RALY: variants seen among roughly 807,000 people sequenced by gnomAD.
RALY encodes RALY heterogeneous nuclear ribonucleoprotein, also known as RNA-binding protein Raly.
A neutral mutation model predicts 30.7 loss-of-function variants in RALY; 15 were observed. The observed-to-expected ratio is 0.49, with a 90% CI of 0.33 to 0.75. The LOEUF (loss-of-function observed/expected upper bound fraction) is 0.75, where lower values mean the gene tolerates loss of function less well. RALY is among the 30% of genes least tolerant of loss of function. The pLI, the probability that RALY is intolerant of heterozygous loss-of-function variation, is 0.02. For synonymous variants in RALY, 177 were observed against 170.8 expected (o/e 1.04, Z -0.28); for missense variants, 339 against 414.3 (o/e 0.82, Z 1.58).
At chr20:34,037,122 A>G (rs1482963178) in intron 2 of RALY, among the ~76,000 whole-genome samples, 1 of 152,200 alleles carries the variant, frequency 6.6e-6, no homozygotes, top group Non-Finnish European at 1.5e-5. Context: ...CTGATACAGT[A>G]GCCTCTGGAG....
chr20:34,078,839 A>T (rs1413755663), intron 9 of RALY, among the ~76,000 whole-genome samples: 2 of 152,142 alleles, frequency 1.3e-5, no homozygotes, highest in East Asian at 3.8e-4. Context: ...TCTGCCCTTG[A>T]GGAGCTCCTA....
At chr20:34,045,598 C>T (rs960651654) in intron 2 of RALY, among the ~76,000 whole-genome samples, 1 of 152,208 alleles carries the variant, frequency 6.6e-6, no homozygotes, top group South Asian at 2.1e-4. Context: ...GGATTGGGAA[C>T]GTTCTGGTTC....
chr20:34,020,213 G>A (rs1180486813), intron 1 of RALY, among the ~76,000 whole-genome samples: 1 of 152,234 alleles, frequency 6.6e-6, no homozygotes, highest in Non-Finnish European at 1.5e-5. Context: ...AGGATGTGCT[G>A]GACAGATTAC....
At chr20:33,998,714 C>T (rs1008186090) in intron 1 of RALY, among the ~76,000 whole-genome samples, 40 of 152,138 alleles carry the variant, frequency 2.6e-4, no homozygotes, top group Non-Finnish European at 2.5e-4. Flanking sequence ...GCTGCCTGTT[C>T]AGGAGCGGAC....
At chr20:33,997,896 ACT>A (rs2030717005) in intron 1 of RALY, among the ~76,000 whole-genome samples, 1 of 151,990 alleles carries the variant, frequency 6.6e-6, no homozygotes, top group Admixed American at 6.6e-5. Context: ...GTCATGTCAC[ACT>A]CTCCTTAAAA....
intron 5 of RALY, among the ~76,000 whole-genome samples, chr20:34,074,932 T>G (rs2122307405): frequency 6.6e-6 from 1 of 152,292 alleles, no homozygotes; most frequent in East Asian, 1.9e-4. Flanking sequence ...GATGGCAGGT[T>G]TCCTGGCCGT....
intron 1 of RALY, among the ~76,000 whole-genome samples, chr20:34,011,999 G>A (rs2031416421): frequency 6.6e-6 from 1 of 151,954 alleles, no homozygotes; most frequent in Non-Finnish European, 1.5e-5. Context: ...CCAGGAGGCG[G>A]AGGCTGCAGT....
intron 2 of RALY, among the ~76,000 whole-genome samples, chr20:34,055,521 A>G (rs570811387): frequency 9.5e-4 from 144 of 152,258 alleles, no homozygotes; most frequent in African/African-American, 3.1e-3. Context: ...CTAAGCACCC[A>G]CTCTGGGCTA....
intron 2 of RALY, among the ~76,000 whole-genome samples, chr20:34,059,224 C>T (rs1350203449): frequency 6.6e-6 from 1 of 152,140 alleles, no homozygotes; most frequent in Non-Finnish European, 1.5e-5. Flanking sequence ...AGGGGTGCCA[C>T]TCAGTGTGTT....
At chr20:34,076,531 AG>A (rs2033882404) in intron 6 of RALY, among the ~76,000 whole-genome samples, 170 bp from the exon 7 acceptor site, 1 of 152,244 alleles carries the variant, frequency 6.6e-6, no homozygotes, top group Non-Finnish European at 1.5e-5. Context: ...CTGTCACTGT[AG>A]GGATGGACGC....
intron 4 of RALY, 70 bp from the exon 5 acceptor site, chr20:34,073,749 A>T: frequency 1.3e-6 from 2 of 1,566,618 alleles, no homozygotes; most frequent in South Asian, 1.1e-5. Flanking sequence ...GTGTCTGGAG[A>T]TGAGGGCCTG....
At chr20:33,995,992 AT>A (rs748597398) in intron 1 of RALY, among the ~76,000 whole-genome samples, 8 of 152,216 alleles carry the variant, frequency 5.3e-5, no homozygotes, top group South Asian at 2.1e-4. Context: ...TATGGTTAGT[AT>A]TAAGAGGAGG....
intron 1 of RALY, among the ~76,000 whole-genome samples, chr20:34,010,145 G>T (rs2031338092): frequency 6.6e-6 from 1 of 152,068 alleles, no homozygotes; most frequent in Admixed American, 6.6e-5. Flanking sequence ...TTATATATTT[G>T]TAAGGTAGAG....
At chr20:34,066,769 G>T (rs1468383823) in intron 2 of RALY, among the ~76,000 whole-genome samples, 1 of 151,614 alleles carries the variant, frequency 6.6e-6, no homozygotes, top group African/African-American at 2.4e-5. Context: ...CACTCCCAAA[G>T]CCCCACTTCC....
chr20:34,031,001 G>GCTTCC (rs2032246499), intron 1 of RALY, among the ~76,000 whole-genome samples: 1 of 150,972 alleles, frequency 6.6e-6, no homozygotes, highest in East Asian at 2.0e-4. Context: ...ACCTTGCTTT[G>GCTTCC]CTTCCCTTCC....
At chr20:34,077,385 G>A in intron 8 of RALY, 140 bp downstream of exon 8, 1 of 1,520,098 alleles carries the variant, frequency 6.6e-7, no homozygotes, top group Non-Finnish European at 8.8e-7. Flanking sequence ...CTGGTCCTGG[G>A]GGAAAGAGGG....
chr20:34,053,271 C>T (rs558910795), intron 2 of RALY, among the ~76,000 whole-genome samples: 64 of 150,176 alleles, frequency 4.3e-4, no homozygotes, highest in African/African-American at 1.4e-3. Flanking sequence ...CATATGAGGA[C>T]GTTAAGGTTC....
rs2033887710 is a variant in RALY at position 34,076,682 on chromosome 20, T to G, written c.545-20T>G. On this transcript the variant is annotated intron_variant, in intron 6 of 9. Coordinates refer to ENST00000246194, the MANE Select transcript of RALY (RefSeq NM_016732.3). Reference sequence around the variant, plus strand: ...CCTCCAGCCCCCTAGGTGACAGCCCTGTCCCCCCTCCACTCCCAGTAAAGA... The same window carrying G: ...CCTCCAGCCCCCTAGGTGACAGCCCGGTCCCCCCTCCACTCCCAGTAAAGA... 6.2e-7 allele frequency: 1 copy of G among 1,609,518 alleles called. No individual in the cohort carries two copies. Among genetic ancestry groups the G allele is most frequent in the Non-Finnish European group, 8.5e-7 (1 of 1,176,444 alleles).
At chr20:34,035,967 A>G (rs2032481357) in intron 2 of RALY, among the ~76,000 whole-genome samples, 1 of 152,176 alleles carries the variant, frequency 6.6e-6, no homozygotes, top group South Asian at 2.1e-4. Flanking sequence ...CTTGATTCTA[A>G]GGAACGAAAG....
Sources: gnomAD v4.1 joint callset for allele counts (sites outside exome capture counted in the v4.1 genomes callset) on GRCh38, gnomAD v4.1.1 for gene constraint, MANE v1.5 for transcripts, NCBI Gene and HGNC (gene_info 2026-07-23, HGNC 2026-07-21) for gene names.